The following PARP2 variants were observed in gnomAD, a reference collection of about 807,000 sequenced individuals.
PARP2 encodes the protein poly [ADP-ribose] polymerase 2.
In PARP2, 57 loss-of-function variants were observed where a neutral mutation model predicts 77.8. The observed-to-expected ratio is 0.73, with a 90% confidence interval of 0.59 to 0.91. The LOEUF (loss-of-function observed/expected upper bound fraction) is 0.91. Ranked by LOEUF, PARP2 falls within the 40% of genes least tolerant of loss-of-function variation. The pLI, the probability that PARP2 is intolerant of heterozygous loss-of-function variation, is 0.00. For synonymous variants in PARP2, 226 were observed against 242.6 expected (o/e 0.93, Z 0.64); for missense variants, 651 against 689.0 (o/e 0.94, Z 0.62).
chr14:20,352,468 A>G (rs1221316098), intron 7 of PARP2, 121 bp downstream of exon 7: 14 of 592,778 alleles, frequency 2.4e-5, no homozygotes, highest in Non-Finnish European at 4.1e-5. Context: ...TGCAGCCTCA[A>G]GATCCTCAGG....
chr14:20,345,556 C>T lies in PARP2; in HGVS notation c.273+92C>T, dbSNP rs1003710534. The T allele has an allele frequency of 1.7e-5, 15 of 892,618 alleles. No individual in the cohort carries two copies. In the African/African-American group the frequency reaches 2.3e-4, roughly 14 times the overall value. 55.3% of individuals were successfully genotyped at this position (892,618 alleles called of 1,614,324 possible). ...TCCTGTCTGGGATGCTGTTAGTACT[C>T]ATTTTAGGAATCCTCTCCAAAATAT... On this transcript the variant is annotated intron_variant, in intron 3 of 15. Coordinates refer to ENST00000429687, the MANE Select transcript of PARP2 (RefSeq NM_001042618.2).
In PARP2 at chr14:20,346,991, G is replaced by C. The variant is rs1293421826; in HGVS notation, c.324+78G>C. On this transcript the variant is annotated intron_variant, in intron 4 of 15. Transcript: ENST00000429687. ...TAATTATTGATGATAGCATCACAGT[G>C]TTCAGATCTTTAAAGTCCCTTTTTT... 2.5e-5 allele frequency: 21 copies of C among 829,816 alleles called. No homozygotes were observed. In the Admixed American group the frequency reaches 4.6e-4, roughly 18 times the overall value. 51.4% of individuals were successfully genotyped at this position (829,816 alleles called of 1,614,324 possible).
intron 1 of PARP2, 86 bp from the exon 2 acceptor site, chr14:20,344,846 A>G: frequency 1.1e-6 from 1 of 918,576 alleles, no homozygotes. Context: ...ATCTTAAACC[A>G]TTTCTTTAAA....
Position 20,355,765 on chromosome 14 carries a change from C to T in PARP2, c.916C>T (p.Pro306Ser). The T allele has an allele frequency of 6.2e-7, 1 of 1,613,396 alleles. No homozygotes were observed. The highest frequency in any genetic ancestry group is 1.3e-5 in the African/African-American group (1 of 75,030). Residue 306 changes from proline to serine, a missense_variant, in exon 10 of 16, where the codon CCA becomes TCA. Coordinates refer to ENST00000429687, the MANE Select transcript of PARP2 (RefSeq NM_001042618.2). The stretch of plus-strand genomic sequence containing the variant: ...CTCTGTTCTTAGACTCCGTACTCCT[C>T]CACTAATCCGGACACAGAAGGAACT... Reference protein sequence around the residue: ...IPHDFGLRTPPLIRTQKELSE... With the variant: ...IPHDFGLRTPSLIRTQKELSE...
chr14:20,343,674 C>T lies in PARP2; in HGVS notation c.33C>T (p.Gly11=), dbSNP rs771296313. 2 of 1,609,944 alleles carry T rather than the reference C, an allele frequency of 1.2e-6. No homozygotes were observed. The highest frequency in any genetic ancestry group is 2.2e-5 in the South Asian group (2 of 90,022). Residue 11 remains glycine (G), a synonymous_variant, in exon 1 of 16, where the codon GGC becomes GGT. Transcript: ENST00000429687. MAARRRRSTG[G]GRARALNESK... is the part of the protein sequence containing the mutation. ...CGCGGCGGCGACGGAGCACCGGCGG[C>T]GGCAGGGCGAGAGGTTCGGAGCTCA...
chr14:20,353,189 T>C (rs747819352), intron 7 of PARP2, among the ~76,000 whole-genome samples: 4 of 152,064 alleles, frequency 2.6e-5, no homozygotes. Flanking sequence ...CTACTAAGTT[T>C]CTTATAAAAT....
At chr14:20,352,621 C>G in intron 7 of PARP2, 1 of 242,710 alleles carries the variant, frequency 4.1e-6, no homozygotes, top group African/African-American at 2.6e-5. Flanking sequence ...TTCCTGGGCT[C>G]AAGCAGTCCT....
chr14:20,350,486 C>G (rs180838024), intron 4 of PARP2, 40 bp from the exon 5 acceptor site: 1 of 1,126,168 alleles, frequency 8.9e-7, no homozygotes, highest in East Asian at 2.4e-5. Context: ...TTTCCATTTG[C>G]AAAACTCCTT....
chr14:20,355,042 C>T, intron 9 of PARP2, 95 bp downstream of exon 9: 1 of 1,180,986 alleles, frequency 8.5e-7, no homozygotes. Flanking sequence ...TCTTTTATTC[C>T]TAAGAAAATG....
In PARP2 at chr14:20,356,317, A is replaced by C. The variant is rs934659681; in HGVS notation, c.1112A>C (p.Gln371Pro). The C allele has an allele frequency of 1.3e-5, 21 of 1,614,066 alleles. No individual in the cohort carries two copies. The highest frequency in any genetic ancestry group is 1.6e-5 in the Non-Finnish European group (19 of 1,179,944). ...HESYEFKVIS[Q>P]YLQSTHAPTH... ...TCTTATTTTTCACAGGTGATTTCCC[A>C]GTACCTACAATCTACCCATGCTCCC... Residue 371 changes from glutamine to proline, a missense_variant, in exon 12 of 16, where the codon CAG becomes CCG. Physicochemically the swap from Gln to Pro is moderately conservative, Grantham distance 76 (BLOSUM62 -1). Transcript: ENST00000429687.
rs1248065850 is a variant in PARP2, at chr14:20,345,467, A to G, written c.273+3A>G. 1.2e-6 allele frequency: 2 copies of G among 1,611,054 alleles called. No individual in the cohort carries two copies. Among genetic ancestry groups the G allele is most frequent in the East Asian group, 2.2e-5 (1 of 44,848 alleles). ...AGTGTACAGCCAAGGTGGGGAAGGT[A>G]AGAGACTCTGGAACCGATCTTCAGT... On this transcript the variant is annotated splice_donor_region_variant and intron_variant, in intron 3 of 15. Transcript: ENST00000429687.
At chr14:20,354,294 C>G (rs764917324) in intron 8 of PARP2, 47 bp downstream of exon 8, 2 of 1,383,080 alleles carry the variant, frequency 1.4e-6, no homozygotes, top group Non-Finnish European at 1.0e-6. Flanking sequence ...TAATTCCTAG[C>G]TCCTTTAATG....
intron 1 of PARP2, chr14:20,344,266 T>C (rs1329565745): frequency 6.5e-6 from 1 of 153,036 alleles, no homozygotes; most frequent in East Asian, 1.9e-4. Flanking sequence ...AGCTAGGCTC[T>C]AAATTAGGCA....
At chr14:20,350,682 G>T in intron 5 of PARP2, 60 bp downstream of exon 5, 1 of 1,065,744 alleles carries the variant, frequency 9.4e-7, no homozygotes, top group Non-Finnish European at 1.5e-6. Flanking sequence ...GCAGCTTAGT[G>T]GGTGGCCAAA....
chr14:20,355,315 T>C (rs1884105529), intron 9 of PARP2: 1 of 188,364 alleles, frequency 5.3e-6, no homozygotes, highest in East Asian at 1.4e-4. Context: ...ATAGACAAAA[T>C]AACATTTTAC....
At chr14:20,350,682 G>A in intron 5 of PARP2, 60 bp downstream of exon 5, 6 of 1,065,744 alleles carry the variant, frequency 5.6e-6, no homozygotes, top group Non-Finnish European at 7.3e-6. Flanking sequence ...GCAGCTTAGT[G>A]GGTGGCCAAA....
intron 6 of PARP2, among the ~76,000 whole-genome samples, chr14:20,351,868 GA>G (rs1396373323): frequency 7.2e-6 from 1 of 139,694 alleles, no homozygotes; most frequent in Non-Finnish European, 1.6e-5. Context: ...AAAAAGGAAA[GA>G]AAAAAAGAGA....
chr14:20,357,713 C>T lies in PARP2; in HGVS notation c.1629C>T (p.Tyr543=), dbSNP rs1181229293. 6.2e-7 allele frequency: 1 copy of T among 1,613,378 alleles called. No individual in the cohort carries two copies. The highest frequency in any genetic ancestry group is 1.3e-5 in the African/African-American group (1 of 74,918). The change falls in exon 16 of 16, where the codon TAC becomes TAT. Residue 543 remains tyrosine (Y), a synonymous_variant. Coordinates refer to ENST00000429687, the MANE Select transcript of PARP2 (RefSeq NM_001042618.2). ...ILNPDGYTLN[Y]NEYIVYNPNQ... is the part of the protein sequence containing the mutation. The stretch of plus-strand genomic sequence containing the variant: ...ATCCAGATGGTTATACCCTCAACTA[C>T]AATGAATATATTGTATATAACCCCA...
intron 6 of PARP2, 92 bp downstream of exon 6, chr14:20,351,214 T>C: frequency 1.2e-6 from 1 of 832,178 alleles, no homozygotes. Flanking sequence ...GTTTCACTCT[T>C]GTTGCCCAGG....
Sources: allele counts gnomAD v4.1 joint callset (sites outside exome capture counted in the v4.1 genomes callset), GRCh38; gene constraint gnomAD v4.1.1; transcripts MANE v1.5; gene names NCBI Gene and HGNC (gene_info 2026-07-23, HGNC 2026-07-21).